Variants in ATR observed in about 807,000 individuals in gnomAD.
The protein encoded by ATR is ATR checkpoint kinase.
In ATR, 142 loss-of-function variants were observed where a neutral mutation model predicts 305.3. The observed-to-expected ratio is 0.47, with a 90% CI of 0.41 to 0.53. The LOEUF is 0.53. Among genes scored for constraint, ATR ranks in the 20% least tolerant of loss-of-function variants. The pLI is 0.00. For missense variants in ATR, 2,135 were observed against 3,133.1 expected, an observed-to-expected ratio of 0.68 and a Z score of 7.60; for synonymous variants, 1,050 against 1,068.1, an observed-to-expected ratio of 0.98 and a Z score of 0.33.
At chr3:142,488,478 G>T (rs1478290151) in intron 35 of ATR, among the ~76,000 whole-genome samples, 1 of 152,292 alleles carries the variant, frequency 6.6e-6, no homozygotes, top group East Asian at 1.9e-4. Context: ...GGTCACTAAG[G>T]AGATATGACA....
At chr3:142,496,289 T>A (rs1401821034) in intron 34 of ATR, 72 bp downstream of exon 34, 1 of 26,162 alleles carries the variant, frequency 3.8e-5, no homozygotes, top group Non-Finnish European at 6.4e-5. Flanking sequence ...TATATATATA[T>A]ATATATATAT....
intron 31 of ATR, 102 bp from the exon 32 acceptor site, chr3:142,498,876 G>A (rs1320058111): frequency 8.6e-7 from 1 of 1,156,160 alleles, no homozygotes; most frequent in Non-Finnish European, 1.3e-6. Context: ...CAAACAGGTG[G>A]CTTCATTCCT....
intron 37 of ATR, among the ~76,000 whole-genome samples, 193 bp downstream of exon 37, chr3:142,469,893 G>C (rs1168540354): frequency 2.6e-5 from 4 of 152,096 alleles, no homozygotes; most frequent in Non-Finnish European, 5.9e-5. Context: ...TTGTGGCCCT[G>C]AATTAAAACT....
intron 12 of ATR, 78 bp downstream of exon 12, chr3:142,553,562 C>G (rs2108463912): frequency 6.8e-7 from 1 of 1,467,198 alleles, no homozygotes; most frequent in Non-Finnish European, 9.4e-7. Context: ...TATCATATCA[C>G]CATTTTTAAC....
At chr3:142,472,039 C>T (rs1159551627) in intron 36 of ATR, 1 of 151,736 alleles carries the variant, frequency 6.6e-6, no homozygotes, top group African/African-American at 2.4e-5. Flanking sequence ...TCCATCTTCG[C>T]ACAAATAACA....
chr3:142,561,593 A>T (rs1189415544), intron 4 of ATR, among the ~76,000 whole-genome samples, 172 bp from the exon 5 acceptor site: 1 of 152,224 alleles, frequency 6.6e-6, no homozygotes, highest in Non-Finnish European at 1.5e-5. Context: ...GTCTATATAT[A>T]GACTATGGTT....
Position 142,560,312 on chromosome 3 carries a change from G to T in ATR, c.1492C>A (p.Gln498Lys), listed in dbSNP as rs2034829087. The change falls in exon 6 of 47, where the codon CAA (glutamine) becomes AAA (lysine). Residue 498 changes from glutamine (Q) to lysine (K), a missense_variant. Coordinates refer to ENST00000350721, the MANE Select transcript of ATR (RefSeq NM_001184.4). ...EMLEGIAVVLQLTALCTVHCS... is the reference protein window; with the variant it reads ...EMLEGIAVVLKLTALCTVHCS... Reference sequence around the variant, plus strand: ...TGAACAGTACACAGAGCAGTCAGTTGTAAGACAACAGCAATTCCTTCTAAC... The same window carrying T: ...TGAACAGTACACAGAGCAGTCAGTTTTAAGACAACAGCAATTCCTTCTAAC... 2.5e-6 allele frequency: 4 copies of T among 1,613,942 alleles called. No individual in the cohort carries two copies. The highest frequency in any genetic ancestry group is 1.1e-5 in the South Asian group (1 of 91,084).
At chr3:142,483,695 G>A (rs2030699759) in intron 36 of ATR, among the ~76,000 whole-genome samples, 1 of 151,906 alleles carries the variant, frequency 6.6e-6, no homozygotes, top group Admixed American at 6.6e-5. Flanking sequence ...AAATTAACTG[G>A]GTGTGGTGGC....
intron 36 of ATR, among the ~76,000 whole-genome samples, chr3:142,481,584 T>C (rs1317087815): frequency 1.3e-5 from 2 of 152,168 alleles, no homozygotes; most frequent in Non-Finnish European, 2.9e-5. Context: ...CTTGTTTGGT[T>C]CACTTTTGGT....
Position 142,577,608 on chromosome 3 carries a change from C to G in ATR, c.59+1038G>C, listed in dbSNP as rs943793090. Among the ~76,000 whole-genome samples the G allele has an allele frequency of 2.6e-5, 4 of 152,140 alleles. No homozygotes were observed. In the East Asian group the frequency reaches 7.7e-4, roughly 29 times the overall value. ...GAGACTAGATTATTTGGATGGCCAA[C>G]CAGTGGAAATGAACACAACTGCGCT... On this transcript the variant is annotated intron_variant, in intron 1 of 46. Coordinates refer to ENST00000350721, the MANE Select transcript of ATR (RefSeq NM_001184.4).
intron 13 of ATR, among the ~76,000 whole-genome samples, chr3:142,550,596 C>T (rs548516767): frequency 6.6e-6 from 1 of 152,190 alleles, no homozygotes; most frequent in East Asian, 1.9e-4. Context: ...ATATTTAAAA[C>T]AAAGTGTCAT....
At chr3:142,532,989 C>A (rs1162041207) in intron 21 of ATR, among the ~76,000 whole-genome samples, 1 of 152,110 alleles carries the variant, frequency 6.6e-6, no homozygotes, top group East Asian at 1.9e-4. Context: ...TAGCTACTAT[C>A]CACATGTGGC....
chr3:142,478,698 T>C (rs975502280), intron 36 of ATR, among the ~76,000 whole-genome samples: 5 of 152,192 alleles, frequency 3.3e-5, no homozygotes, highest in African/African-American at 1.2e-4. Flanking sequence ...GGTGTTAAAG[T>C]CTCCCATTAT....
At chr3:142,536,893 G>GA (rs1201712479) in intron 19 of ATR, among the ~76,000 whole-genome samples, 5 of 152,132 alleles carry the variant, frequency 3.3e-5, no homozygotes, top group African/African-American at 7.2e-5. Context: ...AAGAATTATA[G>GA]AAAAAAATAC....
intron 28 of ATR, 136 bp downstream of exon 28, chr3:142,507,795 T>C (rs539077046): frequency 4.1e-5 from 33 of 807,664 alleles, no homozygotes; most frequent in Non-Finnish European, 5.8e-5. Context: ...TTATACCAAA[T>C]TGATGTTTAT....
At chr3:142,472,379 C>T (rs2071306542) in intron 36 of ATR, 1 of 152,092 alleles carries the variant, frequency 6.6e-6, no homozygotes, top group Admixed American at 6.5e-5. Flanking sequence ...ATTTACCTTC[C>T]CACCAACAGT....
intron 46 of ATR, chr3:142,451,132 C>A: frequency 8.0e-7 from 1 of 1,247,626 alleles, no homozygotes; most frequent in South Asian, 1.5e-5. Flanking sequence ...GTAATTCCCT[C>A]CTAGAGGAGA....
At chr3:142,538,336 A>T in intron 19 of ATR, 146 bp downstream of exon 19, 2 of 830,904 alleles carry the variant, frequency 2.4e-6, no homozygotes, top group Non-Finnish European at 3.7e-6. Context: ...TCATTTCAAT[A>T]TGTAATTACA....
chr3:142,452,609 G>A (rs551796704), intron 46 of ATR: 17 of 827,986 alleles, frequency 2.1e-5, no homozygotes, highest in South Asian at 5.0e-5. Flanking sequence ...AGGAGGCAGA[G>A]GTTGCCGTGA....
Sources: allele counts gnomAD v4.1 joint callset (sites outside exome capture counted in the v4.1 genomes callset), GRCh38; gene constraint gnomAD v4.1.1; transcripts MANE v1.5; gene names NCBI Gene and HGNC (gene_info 2026-07-23, HGNC 2026-07-21).